Variants in ATP8B4 observed in about 807,000 individuals in gnomAD.
The protein encoded by ATP8B4 is probable phospholipid-transporting ATPase IM.
In ATP8B4, 133 loss-of-function variants were observed where a neutral mutation model predicts 145.6. The ratio of observed to expected loss-of-function variants is 0.91; its 90% CI spans 0.79 to 1.05. The LOEUF is 1.05. Ranked by LOEUF, ATP8B4 falls within the 50% of genes least tolerant of loss-of-function variation. ATP8B4 has a pLI of 0.00. For missense variants in ATP8B4, 1,458 were observed against 1,425.2 expected (o/e 1.02, Z -0.37); for synonymous variants, 507 against 492.9 (o/e 1.03, Z -0.38).
chr15:49,976,661 T>C (rs1031859991), intron 12 of ATP8B4, among the ~76,000 whole-genome samples: 3 of 152,192 alleles, frequency 2.0e-5, no homozygotes, highest in Non-Finnish European at 4.4e-5. Flanking sequence ...TTGATTGTTG[T>C]GTTATAGTAT....
chr15:50,158,820 C>A (rs2044471492), intron 1 of ATP8B4, among the ~76,000 whole-genome samples: 1 of 152,192 alleles, frequency 6.6e-6, no homozygotes, highest in Non-Finnish European at 1.5e-5. Flanking sequence ...ACCCTGTGCT[C>A]TCTGAAACAT....
At chr15:50,177,675 T>C (rs1333838617) in intron 1 of ATP8B4, among the ~76,000 whole-genome samples, 1 of 152,230 alleles carries the variant, frequency 6.6e-6, no homozygotes, top group Non-Finnish European at 1.5e-5. Context: ...CCGAGTAGTT[T>C]GGAAGCCAAT....
rs115971953 is a variant in ATP8B4, at chr15:50,134,585, G to A, written c.-42-27577C>T. Among the ~76,000 whole-genome samples the A allele has an allele frequency of 1.0e-2, 1,520 of 152,224 alleles. 28 individuals are homozygous for A. The highest frequency in any genetic ancestry group is 0.035 in the African/African-American group (1,464 of 41,550). The stretch of plus-strand genomic sequence containing the variant: ...GCAAGTGGAGTGCATAGGAGATAAC[G>A]GGAAATCAGGGGAAAAAACATATGT... On this transcript the variant is annotated intron_variant, in intron 1 of 3. Coordinates refer to the ATP8B4 transcript ENST00000558829.
intron 5 of ATP8B4, among the ~76,000 whole-genome samples, chr15:50,042,687 T>A (rs536593870): frequency 3.9e-5 from 6 of 152,356 alleles, no homozygotes; most frequent in African/African-American, 1.4e-4. Flanking sequence ...TTCTGGTGTC[T>A]CTTTCATTTC....
At chr15:49,981,521 T>C (rs947221900) in intron 10 of ATP8B4, among the ~76,000 whole-genome samples, 1 of 152,132 alleles carries the variant, frequency 6.6e-6, no homozygotes, top group Non-Finnish European at 1.5e-5. Flanking sequence ...ATAAATACAG[T>C]CAGAACTTGT....
chr15:50,041,266 C>T (rs1478888520), intron 5 of ATP8B4, among the ~76,000 whole-genome samples: 4 of 152,320 alleles, frequency 2.6e-5, no homozygotes, highest in Admixed American at 2.6e-4. Flanking sequence ...GTTGAAATTT[C>T]CTCTCTTAGA....
intron 23 of ATP8B4, among the ~76,000 whole-genome samples, chr15:49,887,199 A>G (rs2036291154): frequency 6.6e-6 from 1 of 151,886 alleles, no homozygotes; most frequent in Admixed American, 6.6e-5. Context: ...TAAATGCCCC[A>G]CTTCTACTTG....
chr15:50,064,342 A>G (rs1428817677), intron 3 of ATP8B4, among the ~76,000 whole-genome samples: 1 of 152,174 alleles, frequency 6.6e-6, no homozygotes, highest in Non-Finnish European at 1.5e-5. Context: ...CAGGACTGCT[A>G]GAGACACCAA....
intron 1 of ATP8B4, among the ~76,000 whole-genome samples, chr15:50,155,809 T>C (rs2153681228): frequency 6.6e-6 from 1 of 151,982 alleles, no homozygotes; most frequent in African/African-American, 2.4e-5. Flanking sequence ...ATAAAAAGAA[T>C]AGGTAGATCC....
At chr15:50,142,643 A>G (rs2044227224) in intron 1 of ATP8B4, among the ~76,000 whole-genome samples, 1 of 152,226 alleles carries the variant, frequency 6.6e-6, no homozygotes, top group South Asian at 2.1e-4. Flanking sequence ...AGGAATGATA[A>G]AGATGGCTCT....
chr15:50,045,489 T>A (rs2051642749), intron 4 of ATP8B4, among the ~76,000 whole-genome samples: 1 of 152,190 alleles, frequency 6.6e-6, no homozygotes. Flanking sequence ...GAAAATCTGC[T>A]GCTTCGGGGC....
At chr15:50,160,558 A>T (rs753156874) in intron 1 of ATP8B4, among the ~76,000 whole-genome samples, 1 of 148,838 alleles carries the variant, frequency 6.7e-6, no homozygotes, top group Admixed American at 6.7e-5. Flanking sequence ...TGTATCCCAC[A>T]GGTTTTGGTA....
rs1598742005 is a variant in ATP8B4 at position 49,859,962 on chromosome 15, C to A, written c.*232G>T. On this transcript the variant is annotated 3_prime_UTR_variant, in exon 28 of 28. Transcript: ENST00000284509. ...AAAAAAAAAAAATCTGTACTTGTAA[C>A]AGCGAGTGTTTTGTCCACCAAATCA... The A allele has an allele frequency of 2.1e-6, 1 of 470,268 alleles. No individual in the cohort carries two copies. The highest frequency in any genetic ancestry group is 3.7e-6 in the Non-Finnish European group (1 of 272,604). The allele number at this position is 470,268 out of a possible 1,614,324, so 29.1% of individuals were successfully genotyped here. A position where few individuals can be genotyped will look rare whatever the true frequency, so the allele number is the denominator to read the frequency against.
chr15:50,181,000 G>A (rs1032779476), intron 1 of ATP8B4, among the ~76,000 whole-genome samples: 3 of 152,100 alleles, frequency 2.0e-5, no homozygotes, highest in African/African-American at 7.2e-5. Context: ...CTAAGAGTTG[G>A]TTCCCCGGGA....
At chr15:49,905,745 A>T (rs1251728593) in intron 20 of ATP8B4, among the ~76,000 whole-genome samples, 4 of 152,008 alleles carry the variant, frequency 2.6e-5, no homozygotes, top group Non-Finnish European at 5.9e-5. Flanking sequence ...AAAAAAGATA[A>T]TTTTTTTAGC....
chr15:50,167,782 C>T (rs1357540180), intron 1 of ATP8B4, among the ~76,000 whole-genome samples: 1 of 151,984 alleles, frequency 6.6e-6, no homozygotes, highest in East Asian at 1.9e-4. Context: ...AATTCCCTTA[C>T]CAAAAAATGG....
At chr15:50,108,218 C>G (rs1199480435) in intron 1 of ATP8B4, among the ~76,000 whole-genome samples, 3 of 152,124 alleles carry the variant, frequency 2.0e-5, no homozygotes, top group Non-Finnish European at 4.4e-5. Context: ...ACTCCCCCAC[C>G]CCAGCCCCAG....
At chr15:49,907,897 C>G in intron 20 of ATP8B4, 1 of 365,772 alleles carries the variant, frequency 2.7e-6, no homozygotes, top group Non-Finnish European at 5.4e-6. Flanking sequence ...ACCTTAACAA[C>G]TATATTTTTA....
chr15:50,071,565 G>A (rs986407395), intron 3 of ATP8B4, among the ~76,000 whole-genome samples: 1 of 152,188 alleles, frequency 6.6e-6, no homozygotes, highest in East Asian at 1.9e-4. Context: ...AAATATACAT[G>A]TATCTAGCTC....
Sources: allele counts gnomAD v4.1 joint callset (sites outside exome capture counted in the v4.1 genomes callset), GRCh38; gene constraint gnomAD v4.1.1; transcripts MANE v1.5; gene names NCBI Gene and HGNC (gene_info 2026-07-23, HGNC 2026-07-21).